Variants in TP73 observed in about 807,000 individuals in gnomAD.
TP73 encodes p53-like transcription factor.
A neutral mutation model predicts 62.5 loss-of-function variants in TP73; 25 were observed. That is an observed-to-expected ratio of 0.40 (90% CI 0.29 to 0.56). The LOEUF is 0.56. Among genes scored for constraint, TP73 ranks in the 20% least tolerant of loss-of-function variants. The probability of loss-of-function intolerance (pLI) is 0.46; values close to 1 mark genes in which losing one functional copy is unlikely to be tolerated. For missense variants in TP73, 754 were observed against 913.3 expected, an observed-to-expected ratio of 0.83 and a Z score of 2.25; for synonymous variants, 423 against 377.5, an observed-to-expected ratio of 1.12 and a Z score of -1.40.
Position 3,682,403 on chromosome 1 carries a change from C to T in TP73, c.38C>T (p.Thr13Ile). 4 of 1,565,384 alleles carry T rather than the reference C, an allele frequency of 2.6e-6. No individual in the cohort carries two copies. The highest frequency in any genetic ancestry group is 3.5e-6 in the Non-Finnish European group (4 of 1,152,534). Residue 13 changes from threonine (T) to isoleucine (I), a missense_variant, in exon 2 of 14, where the codon ACC (threonine) becomes ATC (isoleucine). By Grantham distance (89) the Thr-to-Ile change is moderately conservative (BLOSUM62 -1). Transcript: ENST00000378295. ...ACCGCCACCTCCCCTGATGGGGGCA[C>T]CACGTTTGAGCACCTCTGGAGCTCT... ...QSTATSPDGG[T>I]TFEHLWSSLE... is the part of the protein sequence containing the mutation.
At chr1:3,700,654 G>GT (rs2124340504) in intron 3 of TP73, among the ~76,000 whole-genome samples, 1 of 151,908 alleles carries the variant, frequency 6.6e-6, no homozygotes, top group Non-Finnish European at 1.5e-5. Flanking sequence ...AAAAATTAGC[G>GT]TCTGTAATCC....
chr1:3,730,417 G>A (rs1329783082), intron 11 of TP73, among the ~76,000 whole-genome samples: 1 of 152,234 alleles, frequency 6.6e-6, no homozygotes, highest in African/African-American at 2.4e-5. Context: ...GCTTGGGGAA[G>A]GCTCTTAACA....
Position 3,699,226 on chromosome 1 carries a change from G to A in TP73, c.187-8323G>A, listed in dbSNP as rs958713811. On this transcript the variant is annotated intron_variant, in intron 3 of 13. Transcript: ENST00000378295. The surrounding 1 kb of genome is among the most constrained non-coding windows in gnomAD (Gnocchi z 4.1). ...GAGATGCTGTGGGAAGTACCGGCAG[G>A]ACGGAGGTCTTGCCCTGGTGGGATG... is the stretch of plus-strand genomic sequence containing the variant. Among the ~76,000 whole-genome samples the A allele has an allele frequency of 1.3e-5, 2 of 152,162 alleles. No homozygotes were observed. Among genetic ancestry groups the A allele is most frequent in the African/African-American group, 4.8e-5 (2 of 41,436 alleles).
rs568817919 is a variant in TP73, at chr1:3,666,064, T to C, written c.-34+13423T>C. 1.0e-4 allele frequency among the ~76,000 whole-genome samples: 14 copies of C among 138,554 alleles called. No homozygotes were observed. In the East Asian group the frequency reaches 2.6e-3, roughly 26 times the overall value. The allele number at this position is 138,554 out of a possible 152,430, so 90.9% of individuals were successfully genotyped here. A position where few individuals can be genotyped will look rare whatever the true frequency, so the allele number is the denominator to read the frequency against. ...TTTTGAAGCCAGGAGGCGGAGTTTGTGGTGAGCTGAGATCGCACCATTGTA... is the reference window on the plus strand; with the variant it reads ...TTTTGAAGCCAGGAGGCGGAGTTTGCGGTGAGCTGAGATCGCACCATTGTA... On this transcript the variant is annotated intron_variant, in intron 1 of 13. Transcript: ENST00000378295. The surrounding 1 kb of genome is among the most constrained non-coding windows in gnomAD (Gnocchi z 6.4).
intron 4 of TP73, among the ~76,000 whole-genome samples, chr1:3,711,505 C>A (rs1452996046): frequency 6.6e-6 from 1 of 152,248 alleles, no homozygotes; most frequent in Non-Finnish European, 1.5e-5. Flanking sequence ...GCTGTGACAC[C>A]CCGGCTCAGC....
chr1:3,668,983 A>G (rs1233167216), intron 1 of TP73, among the ~76,000 whole-genome samples: 1 of 152,188 alleles, frequency 6.6e-6, no homozygotes, highest in East Asian at 1.9e-4. Context: ...GCTCCAGGCC[A>G]TGCTCCGCCC....
At chr1:3,673,915 C>T (rs1570401662) in intron 1 of TP73, among the ~76,000 whole-genome samples, 3 of 152,136 alleles carry the variant, frequency 2.0e-5, no homozygotes, top group Non-Finnish European at 4.4e-5. Flanking sequence ...CAGCCGGGCC[C>T]GTGCCTCCCT....
chr1:3,657,722 C>A (rs1644894140), intron 1 of TP73, among the ~76,000 whole-genome samples: 1 of 152,178 alleles, frequency 6.6e-6, no homozygotes, highest in Non-Finnish European at 1.5e-5. Context: ...GATCTTGGAA[C>A]CCGGACACTG....
At position 3,727,430 on chromosome 1, in the gene TP73, G is replaced by T. The variant is rs565982617; in HGVS notation, c.843-198G>T. 3 of 959,526 alleles carry T rather than the reference G, an allele frequency of 3.1e-6. No homozygotes were observed. The Admixed American group carries it at 8.0e-5, about 25-fold the overall frequency. The allele number at this position is 959,526 out of a possible 1,614,324, so 59.4% of individuals were successfully genotyped here. On this transcript the variant is annotated intron_variant, in intron 7 of 13. Transcript: ENST00000378295. Reference sequence around the variant, plus strand: ...CCTCCGGAGGGAGGTGGGAGTCCCCGGCGAGGTCTCAGGGCAGCCTCACAG... The same window carrying T: ...CCTCCGGAGGGAGGTGGGAGTCCCCTGCGAGGTCTCAGGGCAGCCTCACAG...
At chr1:3,665,539 T>C (rs928992148) in intron 1 of TP73, among the ~76,000 whole-genome samples, 1 of 152,202 alleles carries the variant, frequency 6.6e-6, no homozygotes, top group East Asian at 1.9e-4. Context: ...GTTAGTAATT[T>C]ATGCAAAACA....
rs1639143492 is a variant in TP73 at position 3,701,243 on chromosome 1, T to C, written c.187-6306T>C. Among the ~76,000 whole-genome samples the C allele has an allele frequency of 6.6e-6, 1 of 152,118 alleles. No individual in the cohort carries two copies. The highest frequency in any genetic ancestry group is 2.1e-4 in the South Asian group (1 of 4,814). On this transcript the variant is annotated intron_variant, in intron 3 of 13. Transcript: ENST00000378295. This position sits in a 1 kb window ranked among gnomAD's most constrained non-coding sequence, Gnocchi z 4.7. ...GCACCTGCTCTTCCCCATCCGTCCC[T>C]GTGCCCAGGGCTTAGCGACTGTCCT...
At chr1:3,653,336 G>A (rs1249125133) in intron 1 of TP73, among the ~76,000 whole-genome samples, 2 of 152,192 alleles carry the variant, frequency 1.3e-5, no homozygotes, top group Non-Finnish European at 2.9e-5. Context: ...GACACCTCAC[G>A]CCCCCTTAGC....
chr1:3,720,500 A>C (rs988246850), intron 4 of TP73, among the ~76,000 whole-genome samples: 8 of 152,182 alleles, frequency 5.3e-5, no homozygotes, highest in African/African-American at 1.9e-4. Context: ...CACCCATGGC[A>C]GGGACAGACC....
chr1:3,708,410 A>C (rs1639854780), intron 4 of TP73: 1 of 156,016 alleles, frequency 6.4e-6, no homozygotes, highest in African/African-American at 2.4e-5. Flanking sequence ...TCACCTGTGC[A>C]CAAGGCCAGT....
At chr1:3,726,901 CGATG>C (rs57315521) in intron 6 of TP73, among the ~76,000 whole-genome samples, 2 of 147,474 alleles carry the variant, frequency 1.4e-5, no homozygotes, top group South Asian at 2.2e-4. Flanking sequence ...TAAATGGGTT[CGATG>C]GATGGATGGA....
rs926490772 is a variant in TP73 at position 3,652,552 on chromosome 1, C to T, written c.-123C>T. The T allele has an allele frequency of 6.6e-6, 1 of 151,726 alleles. No homozygotes were observed. The highest frequency in any genetic ancestry group is 2.1e-4 in the South Asian group (1 of 4,846). The allele number at this position is 151,726 out of a possible 1,614,324, so 9.4% of individuals were successfully genotyped here. ...CCGCCCGCGCACCCGCCCGGAGGCTCGCGCGCCCGCGAAGGGGACGCAGCG... is the reference window on the plus strand; with the variant it reads ...CCGCCCGCGCACCCGCCCGGAGGCTTGCGCGCCCGCGAAGGGGACGCAGCG... On this transcript the variant is annotated 5_prime_UTR_variant, in exon 1 of 14. Coordinates refer to ENST00000378295, the MANE Select transcript of TP73 (RefSeq NM_005427.4).
chr1:3,726,970 A>G lies in TP73; in HGVS notation c.733-145A>G, dbSNP rs536977819. On this transcript the variant is annotated intron_variant, in intron 6 of 13. Transcript: ENST00000378295. The stretch of plus-strand genomic sequence containing the variant: ...TTGGTGGATGGATGAATGAGTGGAC[A>G]GATATACAAATGGCAACAACTATAG... 2.1e-3 allele frequency: 1,233 copies of G among 573,838 alleles called. 5 individuals carry two copies. Among genetic ancestry groups the G allele is most frequent in the Non-Finnish European group, 3.2e-3 (1,027 of 325,454 alleles). 35.5% of individuals were successfully genotyped at this position (573,838 alleles called of 1,614,324 possible). A position where few individuals can be genotyped will look rare whatever the true frequency, so the allele number is the denominator to read the frequency against.
chr1:3,731,685 G>C, intron 13 of TP73, 129 bp downstream of exon 13: 1 of 823,860 alleles, frequency 1.2e-6, no homozygotes. Flanking sequence ...CGGGCAAGCA[G>C]ATGCGATGAT....
intron 3 of TP73, chr1:3,691,080 T>A: frequency 7.5e-7 from 1 of 1,332,512 alleles, no homozygotes; most frequent in African/African-American, 1.4e-5. Flanking sequence ...TGAGCAGAGG[T>A]AGGAAGGGAG....
Sources: allele counts gnomAD v4.1 joint callset (sites outside exome capture counted in the v4.1 genomes callset), GRCh38; gene constraint gnomAD v4.1.1; non-coding constraint Gnocchi (gnomAD v3.1); transcripts MANE v1.5; gene names NCBI Gene and HGNC (gene_info 2026-07-23, HGNC 2026-07-21).